The following TENM1 variants were observed in gnomAD, a reference collection of about 807,000 sequenced individuals.
TENM1 encodes teneurin-1.
A neutral mutation model predicts 174.8 loss-of-function variants in TENM1; 35 were observed. The ratio of observed to expected loss-of-function variants is 0.20; its 90% CI spans 0.15 to 0.27. The LOEUF is 0.27. Ranked by LOEUF, TENM1 falls within the 10% of genes least tolerant of loss-of-function variation. TENM1 has a pLI of 1.00. For missense variants in TENM1, 1,633 were observed against 2,130.1 expected (o/e 0.77, Z 4.59); for synonymous variants, 781 against 798.7 (o/e 0.98, Z 0.37).
At chrX:124,994,382 T>TC in the TENM1 span, among the ~76,000 whole-genome samples, 2 of 109,285 alleles carry the variant, frequency 1.8e-5, no homozygotes, top group African/African-American at 6.7e-5. Flanking sequence ...ATACTATCCT[T>TC]CCCTTTACAA....
the TENM1 span, among the ~76,000 whole-genome samples, chrX:125,109,073 T>C: frequency 9.0e-6 from 1 of 111,378 alleles, no homozygotes; most frequent in South Asian, 3.8e-4. Context: ...GTGCTTGTTG[T>C]TTCTGGAATG....
the TENM1 span, among the ~76,000 whole-genome samples, chrX:125,042,024 T>C: frequency 1.8e-5 from 2 of 111,915 alleles, no homozygotes; most frequent in Non-Finnish European, 3.8e-5. Context: ...TTAAAGAATA[T>C]AGTATTCATT....
intron 25 of TENM1, 95 bp from the exon 29 acceptor site, chrX:124,406,584 C>G: frequency 1.9e-6 from 1 of 525,060 alleles, no homozygotes; most frequent in Non-Finnish European, 3.1e-6. Context: ...TACAGTTTAA[C>G]TTTGAGTGAT....
At chrX:125,004,597 A>G in the TENM1 span, among the ~76,000 whole-genome samples, 1 of 112,252 alleles carries the variant, frequency 8.9e-6, no homozygotes, top group Non-Finnish European at 1.9e-5. Flanking sequence ...AATTTTTAAA[A>G]CTTTTTACTT....
chrX:124,451,433 A>G (rs1038213533), intron 23 of TENM1, among the ~76,000 whole-genome samples: 6 of 112,346 alleles, frequency 5.3e-5, no homozygotes, highest in East Asian at 2.8e-4. Context: ...TCATTAAAAA[A>G]GATGTCTAAA....
At chrX:124,772,820 A>G (rs952807378) in intron 3 of TENM1, among the ~76,000 whole-genome samples, 2 of 111,805 alleles carry the variant, frequency 1.8e-5, no homozygotes, top group Admixed American at 9.5e-5. Context: ...GTTTGCAGGA[A>G]CATTTGCCAC....
intron 18 of TENM1, among the ~76,000 whole-genome samples, chrX:124,506,935 A>G (rs2047462887): frequency 9.0e-6 from 1 of 111,707 alleles, no homozygotes; most frequent in African/African-American, 3.3e-5. Context: ...CTGTCTTGAC[A>G]CCATGCTCTG....
chrX:124,669,216 G>A (rs151025604), intron 6 of TENM1, among the ~76,000 whole-genome samples: 3,330 of 111,614 alleles, frequency 0.03, 127 homozygotes, highest in African/African-American at 0.1. Flanking sequence ...ACAGATGAGG[G>A]CACTGGCTGG....
At chrX:124,507,731 T>C (rs12011051) in intron 18 of TENM1, among the ~76,000 whole-genome samples, 16,503 of 111,128 alleles carry the variant, frequency 0.15, 956 homozygotes, top group Middle Eastern at 0.2. Flanking sequence ...GGATAGGAGA[T>C]TGACATTAAG....
chrX:125,035,384 T>A, the TENM1 span, among the ~76,000 whole-genome samples: 1 of 111,764 alleles, frequency 8.9e-6, no homozygotes, highest in Non-Finnish European at 1.9e-5. Flanking sequence ...ATTTATGGAT[T>A]TAACATTTGC....
chrX:124,522,580 C>T (rs1393998011), intron 17 of TENM1, among the ~76,000 whole-genome samples: 1 of 109,977 alleles, frequency 9.1e-6, no homozygotes, highest in Non-Finnish European at 1.9e-5. Context: ...AAAAACTGCA[C>T]AGGCTTGAAA....
At chrX:125,108,491 T>C in the TENM1 span, among the ~76,000 whole-genome samples, 1 of 110,774 alleles carries the variant, frequency 9.0e-6, no homozygotes, top group African/African-American at 3.3e-5. Context: ...GAGGCAGAGG[T>C]GGGCAGATCA....
the TENM1 span, among the ~76,000 whole-genome samples, chrX:124,993,979 A>G: frequency 2.7e-5 from 3 of 110,217 alleles, no homozygotes; most frequent in Non-Finnish European, 5.7e-5. Context: ...TTCTACTCAA[A>G]TAGTAAGTGC....
chrX:125,068,185 T>G, the TENM1 span, among the ~76,000 whole-genome samples: 1 of 111,460 alleles, frequency 9.0e-6, no homozygotes, highest in Non-Finnish European at 1.9e-5. Flanking sequence ...GTGTTTAATA[T>G]TTTTCACCTA....
intron 22 of TENM1, among the ~76,000 whole-genome samples, chrX:124,470,857 G>A (rs2061291830): frequency 9.2e-6 from 1 of 108,730 alleles, no homozygotes; most frequent in South Asian, 4.0e-4. Context: ...CTCAGAAATC[G>A]GGCCATAGGA....
chrX:124,519,298 T>C (rs2047787887), intron 18 of TENM1, among the ~76,000 whole-genome samples: 1 of 111,685 alleles, frequency 9.0e-6, no homozygotes, highest in Non-Finnish European at 1.9e-5. Context: ...TGAGGTAATA[T>C]GAACCTGTCC....
chrX:124,626,029 C>T (rs1218590588), intron 11 of TENM1, among the ~76,000 whole-genome samples: 1 of 110,975 alleles, frequency 9.0e-6, no homozygotes, highest in Non-Finnish European at 1.9e-5. Flanking sequence ...CAATTTTTTA[C>T]TTGTCAATTA....
intron 3 of TENM1, among the ~76,000 whole-genome samples, chrX:124,765,316 G>A (rs964439100): frequency 1.8e-5 from 2 of 111,787 alleles, no homozygotes; most frequent in African/African-American, 6.5e-5. Context: ...TCTCTGCTTC[G>A]TGCAATCGTC....
At chrX:124,830,866 G>T (rs2056273666) in intron 3 of TENM1, among the ~76,000 whole-genome samples, 1 of 112,059 alleles carries the variant, frequency 8.9e-6, no homozygotes, top group Admixed American at 9.4e-5. Context: ...CAAAACCTCT[G>T]CAGGGGGGCT....
Sources: allele counts gnomAD v4.1 joint callset (sites outside exome capture counted in the v4.1 genomes callset), GRCh38; gene constraint gnomAD v4.1.1; transcripts MANE v1.5; gene names NCBI Gene and HGNC (gene_info 2026-07-23, HGNC 2026-07-21).